The following NLGN1 variants were observed in gnomAD, a reference collection of about 807,000 sequenced individuals.
The protein encoded by NLGN1 is neuroligin 1.
In NLGN1, 12 loss-of-function variants were observed where a neutral mutation model predicts 65.5. That is an observed-to-expected ratio of 0.18 (90% CI 0.12 to 0.30). NLGN1 has a LOEUF of 0.30. Among genes scored for constraint, NLGN1 ranks in the 10% least tolerant of loss-of-function variants. The probability of loss-of-function intolerance (pLI) is 1.00; values close to 1 mark genes in which losing one functional copy is unlikely to be tolerated. For missense variants in NLGN1, 750 were observed against 1,007.1 expected, an observed-to-expected ratio of 0.74 and a Z score of 3.46; for synonymous variants, 350 against 359.5, an observed-to-expected ratio of 0.97 and a Z score of 0.30.
At chr3:173,552,354 GT>G (rs201995715) in intron 2 of NLGN1, among the ~76,000 whole-genome samples, 18 of 150,010 alleles carry the variant, frequency 1.2e-4, no homozygotes, top group East Asian at 9.8e-4. Context: ...ATTTGAGAGA[GT>G]TTTTTTTTTC....
intron 4 of NLGN1, among the ~76,000 whole-genome samples, chr3:173,943,081 T>G (rs1049973548): frequency 6.6e-6 from 1 of 151,796 alleles, no homozygotes; most frequent in Admixed American, 6.6e-5. Flanking sequence ...AAAAAATTAG[T>G]TGGGCATGGT....
At chr3:173,403,224 C>T (rs1005926416) in intron 1 of NLGN1, among the ~76,000 whole-genome samples, 8 of 151,848 alleles carry the variant, frequency 5.3e-5, no homozygotes, top group South Asian at 2.1e-4. Context: ...ATGTGTACTG[C>T]GTAAAATTAC....
chr3:173,885,831 A>T (rs1458634658), intron 4 of NLGN1, among the ~76,000 whole-genome samples: 1 of 152,126 alleles, frequency 6.6e-6, no homozygotes, highest in African/African-American at 2.4e-5. Flanking sequence ...ATAAATATTC[A>T]TTACTTAATG....
chr3:174,230,737 A>G (rs1041129127), intron 4 of NLGN1, among the ~76,000 whole-genome samples: 1 of 152,196 alleles, frequency 6.6e-6, no homozygotes, highest in South Asian at 2.1e-4. Context: ...GTCTGAGGCC[A>G]GCCTGAGAAA....
chr3:173,726,178 G>A (rs73050407), intron 3 of NLGN1, among the ~76,000 whole-genome samples: 11,876 of 151,434 alleles, frequency 0.078, 849 homozygotes, highest in African/African-American at 0.19. Flanking sequence ...TACTTACTGG[G>A]GGTCATCTTA....
chr3:174,193,759 C>T (rs564699433), intron 4 of NLGN1, among the ~76,000 whole-genome samples: 2 of 152,290 alleles, frequency 1.3e-5, no homozygotes, highest in East Asian at 3.9e-4. Context: ...CTGAAAGTAG[C>T]ATCACTGTGC....
At chr3:173,540,447 G>A (rs1738660410) in intron 2 of NLGN1, among the ~76,000 whole-genome samples, 1 of 152,158 alleles carries the variant, frequency 6.6e-6, no homozygotes, top group Admixed American at 6.5e-5. Flanking sequence ...TATGTGTTTT[G>A]CCTCTTTTGT....
At chr3:173,550,417 G>C (rs73045445) in intron 2 of NLGN1, among the ~76,000 whole-genome samples, 4,338 of 152,020 alleles carry the variant, frequency 0.029, 195 homozygotes, top group African/African-American at 0.095. Flanking sequence ...TCTTCACAAA[G>C]AACTCAAGTT....
At chr3:174,096,216 T>C (rs1745494166) in intron 4 of NLGN1, among the ~76,000 whole-genome samples, 1 of 149,598 alleles carries the variant, frequency 6.7e-6, no homozygotes, top group Non-Finnish European at 1.5e-5. Context: ...TATATGTGTA[T>C]ATGTATATAT....
At position 173,655,593 on chromosome 3, in the gene NLGN1, A is replaced by G. The variant is rs375022552; in HGVS notation, c.493+50502A>G. ...TTGAAAAAAAAAATCTACCACTTCA[A>G]ACCTCTAGTTCTCTGTTCTTTCTTC... On this transcript the variant is annotated intron_variant, in intron 3 of 6. Coordinates refer to ENST00000457714, the Ensembl canonical transcript of NLGN1. Among the ~76,000 whole-genome samples the G allele has an allele frequency of 4.3e-4, 66 of 152,160 alleles. No individual in the cohort carries two copies. In the South Asian group the frequency reaches 6.2e-3, roughly 14 times the overall value.
At chr3:173,921,434 G>C (rs114913633) in intron 4 of NLGN1, among the ~76,000 whole-genome samples, 1,813 of 150,978 alleles carry the variant, frequency 0.012, 29 homozygotes, top group African/African-American at 0.042. Context: ...GTAAAAAAAT[G>C]GTTTTCTTTC....
At chr3:173,575,507 C>G (rs1434106643) in intron 2 of NLGN1, among the ~76,000 whole-genome samples, 3 of 152,152 alleles carry the variant, frequency 2.0e-5, no homozygotes, top group African/African-American at 7.2e-5. Context: ...CCATCATATT[C>G]TTTTCCAGTT....
chr3:174,038,747 G>C (rs549741737), intron 4 of NLGN1, among the ~76,000 whole-genome samples: 8 of 152,112 alleles, frequency 5.3e-5, no homozygotes, highest in Non-Finnish European at 8.8e-5. Context: ...GAAATATTAT[G>C]TTCTGGGTAT....
rs1263624196 is a variant in NLGN1 at position 173,968,943 on chromosome 3, C to T, written c.646+161111C>T. 6.6e-5 allele frequency among the ~76,000 whole-genome samples: 10 copies of T among 151,556 alleles called. 2 individuals are homozygous for T. The highest frequency in any genetic ancestry group is 6.6e-5 in the Admixed American group (1 of 15,206). On this transcript the variant is annotated intron_variant, in intron 4 of 6. Transcript: ENST00000457714. ...CTCAAACTCCTGACCTCAAATGATCCGCCCACCTCAACCTCCCAAAGTGCT... is the reference window on the plus strand; with the variant it reads ...CTCAAACTCCTGACCTCAAATGATCTGCCCACCTCAACCTCCCAAAGTGCT...
intron 4 of NLGN1, among the ~76,000 whole-genome samples, chr3:173,877,655 C>T (rs1290632696): frequency 2.6e-5 from 4 of 152,078 alleles, no homozygotes; most frequent in Non-Finnish European, 5.9e-5. Flanking sequence ...ACTTTCTGTA[C>T]TATTTTTGCC....
chr3:173,431,275 A>G (rs1717111496), intron 1 of NLGN1, among the ~76,000 whole-genome samples: 1 of 152,108 alleles, frequency 6.6e-6, no homozygotes, highest in African/African-American at 2.4e-5. Flanking sequence ...TGAACCAGCC[A>G]TTTCTCCGAG....
At chr3:173,844,981 C>A (rs535365016) in intron 4 of NLGN1, among the ~76,000 whole-genome samples, 6 of 152,214 alleles carry the variant, frequency 3.9e-5, no homozygotes, top group African/African-American at 2.4e-5. Flanking sequence ...TCATAAAATG[C>A]CATGCATTTA....
chr3:173,777,623 GTCTGTCTGTCTATCTA>G (rs1780501083), intron 3 of NLGN1, among the ~76,000 whole-genome samples: 5 of 11,548 alleles, frequency 4.3e-4, no homozygotes, highest in Admixed American at 1.8e-3. Flanking sequence ...CTGTCTGTCT[GTCTGTCTGTCTATCTA>G]TCTATCTATC....
At chr3:174,257,783 T>C (rs1746070658) in intron 4 of NLGN1, among the ~76,000 whole-genome samples, 1 of 151,426 alleles carries the variant, frequency 6.6e-6, no homozygotes, top group Non-Finnish European at 1.5e-5. Flanking sequence ...TTTTAAATAA[T>C]TTTCATATGC....
Sources: allele counts gnomAD v4.1 joint callset (sites outside exome capture counted in the v4.1 genomes callset), GRCh38; gene constraint gnomAD v4.1.1; transcripts MANE v1.5; gene names NCBI Gene and HGNC (gene_info 2026-07-23, HGNC 2026-07-21).